Variants in KPNA2 observed in about 807,000 individuals in gnomAD.
The protein encoded by KPNA2 is importin subunit alpha-1.
A neutral mutation model predicts 53.7 loss-of-function variants in KPNA2; 20 were observed. That is an observed-to-expected ratio of 0.37 (90% confidence interval 0.26 to 0.54). The LOEUF (loss-of-function observed/expected upper bound fraction) is 0.54. Ranked by LOEUF, KPNA2 falls within the 20% of genes least tolerant of loss-of-function variation. The probability of loss-of-function intolerance (pLI) is 0.83; values close to 1 mark genes in which losing one functional copy is unlikely to be tolerated. For missense variants in KPNA2, 515 were observed against 640.3 expected (o/e 0.80, Z 2.11); for synonymous variants, 238 against 227.5 (o/e 1.05, Z -0.42).
chr17:68,040,732 G>A lies in KPNA2; in HGVS notation c.268G>A (p.Val90Met). The change falls in exon 4 of 11, where the codon GTG (valine) becomes ATG (methionine). Residue 90 changes from valine to methionine, a missense_variant. By Grantham distance (21) the Val-to-Met change is conservative. Coordinates refer to ENST00000330459, the MANE Select transcript of KPNA2 (RefSeq NM_002266.4). ...TGTCAAAGGCATAAATAGCAGCAAT[G>A]TGGAAAATCAGCTCCAAGCTACTCA... ...DIVKGINSSN[V>M]ENQLQATQAA... The A allele has an allele frequency of 1.2e-6, 2 of 1,612,974 alleles. No individual in the cohort carries two copies. The highest frequency in any genetic ancestry group is 1.7e-6 in the Non-Finnish European group (2 of 1,179,220).
Position 68,046,532 on chromosome 17 carries a change from A to C in KPNA2, c.1526A>C (p.Glu509Ala). 2.5e-6 allele frequency: 4 copies of C among 1,610,958 alleles called. No homozygotes were observed. The highest frequency in any genetic ancestry group is 3.4e-6 in the Non-Finnish European group (4 of 1,177,856). ...GAGGAAGATCAAAACGTTGTACCAG[A>C]AACTACCTCTGAAGGCTACACTTTC... Reference protein sequence around the residue: ...EEEEDQNVVPETTSEGYTFQV... With the variant: ...EEEEDQNVVPATTSEGYTFQV... The change falls in exon 11 of 11, where the codon GAA (glutamate) becomes GCA (alanine). Residue 509 changes from glutamate (E) to alanine (A), a missense_variant. Physicochemically the swap from Glu to Ala is moderately radical, Grantham distance 107 (BLOSUM62 -1). Transcript: ENST00000330459.
At chr17:68,040,827 T>TGGG in intron 4 of KPNA2, 61 bp downstream of exon 4, 4 of 768,318 alleles carry the variant, frequency 5.2e-6, no homozygotes, top group East Asian at 2.6e-5. Flanking sequence ...GATTTTTTTT[T>TGGG]GGGGGGTGGG....
intron 3 of KPNA2, among the ~76,000 whole-genome samples, chr17:68,038,342 G>A (rs537563495): frequency 2.0e-5 from 3 of 152,214 alleles, no homozygotes; most frequent in South Asian, 2.1e-4. Context: ...TCATGACCTC[G>A]TGATATGCCT....
chr17:68,037,474 G>A lies in KPNA2; in HGVS notation c.192G>A (p.Leu64=). The change falls in exon 3 of 11, where the codon CTG becomes CTA. Residue 64 remains leucine (L), a synonymous_variant. Coordinates refer to ENST00000330459, the MANE Select transcript of KPNA2 (RefSeq NM_002266.4). ...SSFPDDATSP[L]QENRNNQGTV... is the part of the protein sequence containing the mutation. ...TTCCTGATGATGCTACTTCTCCGCT[G>A]CAGGAAAACCGCAACAACCAGGTAA... 6.2e-7 allele frequency: 1 copy of A among 1,612,770 alleles called. No individual in the cohort carries two copies. The highest frequency in any genetic ancestry group is 1.3e-5 in the African/African-American group (1 of 74,998).
chr17:68,036,392 A>C (rs1270427757), intron 1 of KPNA2: 1 of 152,290 alleles, frequency 6.6e-6, no homozygotes, highest in Non-Finnish European at 1.5e-5. Context: ...CAAATCAAAT[A>C]TGCGAGATGC....
intron 9 of KPNA2, 33 bp from the exon 10 acceptor site, chr17:68,045,739 A>G (rs375322767): frequency 6.7e-6 from 10 of 1,492,216 alleles, no homozygotes; most frequent in Non-Finnish European, 9.0e-6. Flanking sequence ...ACCAGAGTAT[A>G]TGCCAGTAAA....
chr17:68,039,774 C>CT (rs1359929415), intron 3 of KPNA2, among the ~76,000 whole-genome samples: 2 of 138,706 alleles, frequency 1.4e-5, no homozygotes, highest in African/African-American at 5.4e-5. Flanking sequence ...GAGCAAAACT[C>CT]TGTCTCCAAA....
chr17:68,046,657 C>A lies in KPNA2; in HGVS notation c.*61C>A. The A allele has an allele frequency of 2.9e-6, 3 of 1,035,544 alleles. No individual in the cohort carries two copies. Among genetic ancestry groups the A allele is most frequent in the African/African-American group, 1.6e-5 (1 of 62,696 alleles). The allele number at this position is 1,035,544 out of a possible 1,614,324, so 64.1% of individuals were successfully genotyped here. On this transcript the variant is annotated 3_prime_UTR_variant, in exon 11 of 11. Transcript: ENST00000330459. ...CGTTTGGTATTTTGTCTTATTGTTT[C>A]TCTACTAAGAACTCTTTCTTAAATG... is the stretch of plus-strand genomic sequence containing the variant.
intron 5 of KPNA2, 150 bp from the exon 6 acceptor site, chr17:68,042,755 G>C (rs954248373): frequency 1.5e-6 from 1 of 670,072 alleles, no homozygotes; most frequent in South Asian, 1.8e-5. Context: ...GGCGGCGGGC[G>C]CCTGAGGCTG....
Position 68,040,773 on chromosome 17 carries a change from C to T in KPNA2, c.302+7C>T. The T allele has an allele frequency of 6.4e-7, 1 of 1,571,468 alleles. No individual in the cohort carries two copies. Among genetic ancestry groups the T allele is most frequent in the Non-Finnish European group, 8.7e-7 (1 of 1,148,806 alleles). On this transcript the variant is annotated splice_region_variant and intron_variant, in intron 4 of 10. Coordinates refer to ENST00000330459, the MANE Select transcript of KPNA2 (RefSeq NM_002266.4). ...AAGCTACTCAAGCTGCCAGGTAAGT[C>T]TTGTCTGCGATAGCATGGGTAGCCT...
Position 68,042,137 on chromosome 17 carries a change from G to A in KPNA2, c.355G>A (p.Gly119Ser). ...QPPIDNIIRA[G>S]LIPKFVSFLG... ...CCCCATAGACAACATAATCCGGGCT[G>A]GTTTGATTCCGAAATTTGTGTCCTT... The change falls in exon 5 of 11, where the codon GGT (glycine) becomes AGT (serine). Residue 119 changes from glycine to serine, a missense_variant. Gly to Ser is a moderately conservative substitution (Grantham distance 56, BLOSUM62 0). Coordinates refer to ENST00000330459, the MANE Select transcript of KPNA2 (RefSeq NM_002266.4). 3 of 1,613,966 alleles carry A rather than the reference G, an allele frequency of 1.9e-6. No homozygotes were observed. The highest frequency in any genetic ancestry group is 2.7e-5 in the African/African-American group (2 of 75,062).
At chr17:68,045,661 T>A (rs2071319505) in intron 9 of KPNA2, 111 bp from the exon 10 acceptor site, 2 of 768,556 alleles carry the variant, frequency 2.6e-6, no homozygotes, top group Non-Finnish European at 4.1e-6. Context: ...ATGAAGGAAT[T>A]GTTAGGTGCT....
At chr17:68,037,271 A>G in intron 2 of KPNA2, 64 bp downstream of exon 2, 1 of 1,579,898 alleles carries the variant, frequency 6.3e-7, no homozygotes, top group Non-Finnish European at 8.6e-7. Context: ...GAAAGGGGTG[A>G]AAACTGAGGT....
intron 5 of KPNA2, 25 bp from the exon 6 acceptor site, chr17:68,042,880 A>AATT (rs1344847273): frequency 6.4e-7 from 1 of 1,562,772 alleles, no homozygotes; most frequent in African/African-American, 1.4e-5. Flanking sequence ...AAAAAAAAAA[A>AATT]AATTAATCTT....
In KPNA2 at chr17:68,042,385, G is replaced by C. The variant is rs976866209; in HGVS notation, c.571+32G>C. 8 of 1,598,464 alleles carry C rather than the reference G, an allele frequency of 5.0e-6. No individual in the cohort carries two copies. In the African/African-American group the frequency reaches 1.1e-4, roughly 21 times the overall value. On this transcript the variant is annotated intron_variant, in intron 5 of 10. Coordinates refer to ENST00000330459, the MANE Select transcript of KPNA2 (RefSeq NM_002266.4). ...GGACTTGAAGTTCTTTTGACTGAATGTATCTAATCGTAATTAGTTGGAAGA... is the reference window on the plus strand; with the variant it reads ...GGACTTGAAGTTCTTTTGACTGAATCTATCTAATCGTAATTAGTTGGAAGA...
chr17:68,040,743 G>C lies in KPNA2; in HGVS notation c.279G>C (p.Gln93His). Residue 93 changes from glutamine to histidine, a missense_variant, in exon 4 of 11, where the codon CAG becomes CAC. Gln to His is a conservative substitution (Grantham distance 24). Transcript: ENST00000330459. ...TAAATAGCAGCAATGTGGAAAATCA[G>C]CTCCAAGCTACTCAAGCTGCCAGGT... is the stretch of plus-strand genomic sequence containing the variant. ...KGINSSNVEN[Q>H]LQATQAARKL... 3 of 1,611,038 alleles carry C rather than the reference G, an allele frequency of 1.9e-6. No individual in the cohort carries two copies. Among genetic ancestry groups the C allele is most frequent in the Non-Finnish European group, 2.5e-6 (3 of 1,177,952 alleles).
intron 9 of KPNA2, among the ~76,000 whole-genome samples, 163 bp downstream of exon 9, chr17:68,044,666 T>C (rs2071307533): frequency 6.6e-6 from 1 of 152,182 alleles, no homozygotes; most frequent in African/African-American, 2.4e-5. Flanking sequence ...AGGCAGGCAT[T>C]ATAAAAGATA....
intron 9 of KPNA2, chr17:68,045,561 C>G: frequency 2.3e-6 from 1 of 426,414 alleles, no homozygotes; most frequent in South Asian, 6.1e-5. Flanking sequence ...ATCTTTGGCT[C>G]CAGTTGAAGT....
intron 4 of KPNA2, among the ~76,000 whole-genome samples, chr17:68,041,603 G>C (rs2071260922): frequency 6.6e-6 from 1 of 152,066 alleles, no homozygotes; most frequent in Admixed American, 6.6e-5. Context: ...GTGCACACTT[G>C]TCGTCCCAGC....
Sources: allele counts gnomAD v4.1 joint callset (sites outside exome capture counted in the v4.1 genomes callset), GRCh38; gene constraint gnomAD v4.1.1; transcripts MANE v1.5; gene names NCBI Gene and HGNC (gene_info 2026-07-23, HGNC 2026-07-21).